Variants in SHROOM2 observed in about 807,000 individuals in gnomAD.
The protein encoded by SHROOM2 is shroom family member 2.
SHROOM2 carries 33 observed loss-of-function variants against 75.9 expected under a neutral mutation model. The observed-to-expected ratio is 0.43, with a 90% CI of 0.33 to 0.58. SHROOM2 has a LOEUF of 0.58. SHROOM2 is among the 20% of genes least tolerant of loss of function. The pLI, the probability that SHROOM2 is intolerant of heterozygous loss-of-function variation, is 0.04. For missense variants in SHROOM2, 1,434 were observed against 1,461.2 expected (o/e 0.98, Z 0.30); for synonymous variants, 655 against 663.6 (o/e 0.99, Z 0.20).
chrX:9,873,697 G>A lies in SHROOM2; in HGVS notation c.211G>A (p.Gly71Arg). ...CGCGGCGGTCGACAAGTTACTGGCTGGAGATGAGATCGTCGGCATCAATGA... is the reference window on the plus strand; with the variant it reads ...CGCGGCGGTCGACAAGTTACTGGCTAGAGATGAGATCGTCGGCATCAATGA... ...KAAAVDKLLAGDEIVGINDIG... is the reference protein window; with the variant it reads ...KAAAVDKLLARDEIVGINDIG... Residue 71 changes from glycine (G) to arginine (R), a missense_variant, in exon 2 of 10, where the codon GGA becomes AGA. Coordinates refer to ENST00000380913, the MANE Select transcript of SHROOM2 (RefSeq NM_001649.4). 8.3e-7 allele frequency: 1 copy of A among 1,211,498 alleles called. No homozygotes were observed. Among genetic ancestry groups the A allele is most frequent in the Non-Finnish European group, 1.1e-6 (1 of 895,162 alleles).
intron 5 of SHROOM2, among the ~76,000 whole-genome samples, chrX:9,925,595 C>G (rs1191767271): frequency 8.9e-6 from 1 of 112,294 alleles, no homozygotes; most frequent in African/African-American, 3.2e-5. Context: ...TGGGCCCTAC[C>G]CCAGTTGTCC....
At chrX:9,866,810 G>A (rs983948071) in intron 1 of SHROOM2, among the ~76,000 whole-genome samples, 1 of 98,037 alleles carries the variant, frequency 1.0e-5, no homozygotes, top group Non-Finnish European at 2.0e-5. Context: ...CGGGGTCCTC[G>A]TCTTCCCCCA....
intron 1 of SHROOM2, among the ~76,000 whole-genome samples, chrX:9,837,912 T>C (rs1384665754): frequency 9.0e-6 from 1 of 111,170 alleles, no homozygotes; most frequent in Non-Finnish European, 1.9e-5. Context: ...CCTGCCCCCA[T>C]GTATGGATCA....
In SHROOM2 at chrX:9,883,408, G is replaced by A. The variant is rs947919072; in HGVS notation, c.318-7569G>A. ...AGGCTTGGGAGAGGGAGGTGGAAAC[G>A]TAGGATGGGGCCAGCACCCAGTGGC... On this transcript the variant is annotated intron_variant, in intron 2 of 9. Transcript: ENST00000380913. Among the ~76,000 whole-genome samples the A allele has an allele frequency of 4.5e-5, 5 of 111,983 alleles. No individual in the cohort carries two copies. In the East Asian group the frequency reaches 8.4e-4, roughly 19 times the overall value.
chrX:9,933,273 T>C (rs752667956), intron 6 of SHROOM2, among the ~76,000 whole-genome samples: 8 of 111,114 alleles, frequency 7.2e-5, no homozygotes, highest in Middle Eastern at 4.6e-3. Context: ...TTAGGTGAAA[T>C]TGGTATTTTT....
chrX:9,786,900 C>G (rs1005413546), intron 1 of SHROOM2, among the ~76,000 whole-genome samples, 190 bp downstream of exon 1: 7 of 111,897 alleles, frequency 6.3e-5, no homozygotes, highest in African/African-American at 2.3e-4. Context: ...TTCCCCGCGC[C>G]TCGCAGAGTT....
chrX:9,869,389 TC>T (rs1247864616), intron 1 of SHROOM2, among the ~76,000 whole-genome samples: 1 of 112,704 alleles, frequency 8.9e-6, no homozygotes, highest in Non-Finnish European at 1.9e-5. Flanking sequence ...TACATTGTTG[TC>T]CAACCATCAC....
intron 2 of SHROOM2, among the ~76,000 whole-genome samples, chrX:9,879,558 G>A (rs2147002967): frequency 8.9e-6 from 1 of 112,827 alleles, no homozygotes; most frequent in South Asian, 3.6e-4. Context: ...ACTGCACCCG[G>A]CCAGCTTATT....
rs1036992652 is a variant in SHROOM2 at position 9,832,647 on chromosome X, G to A, written c.166-41005G>A. Among the ~76,000 whole-genome samples, 16 of 109,789 alleles carry A rather than the reference G, an allele frequency of 1.5e-4. No individual in the cohort carries two copies. The Admixed American group carries it at 1.5e-3, about 10-fold the overall frequency. On this transcript the variant is annotated intron_variant, in intron 1 of 9. Transcript: ENST00000380913. ...ACCAGCAGGAGCCTGCATATGAACC[G>A]GCTGAGCTCCCCAGCTGACCGCTGA...
chrX:9,855,291 AT>A (rs1569150607), intron 1 of SHROOM2, among the ~76,000 whole-genome samples: 1,182 of 51,455 alleles, frequency 0.023, 49 homozygotes, highest in African/African-American at 0.088. Context: ...AACTTAAAGT[AT>A]AGTAAAAAAA....
intron 2 of SHROOM2, among the ~76,000 whole-genome samples, chrX:9,882,178 C>CTTTTTTTTTT (rs386416608): frequency 3.1e-4 from 22 of 70,993 alleles, no homozygotes; most frequent in East Asian, 5.3e-4. Context: ...TCCCTTGTTG[C>CTTTTTTTTTT]TTTTTTTTTT....
intron 7 of SHROOM2, among the ~76,000 whole-genome samples, chrX:9,938,203 G>T (rs2084734441): frequency 9.0e-6 from 1 of 111,596 alleles, no homozygotes; most frequent in Admixed American, 9.5e-5. Flanking sequence ...GTTTCTTTAT[G>T]AAATGTTTTT....
intron 1 of SHROOM2, among the ~76,000 whole-genome samples, chrX:9,807,624 C>T (rs751517322): frequency 7.1e-5 from 8 of 112,064 alleles, no homozygotes; most frequent in East Asian, 2.8e-4. Context: ...TGGTCTAGGC[C>T]GTAAAAAAAG....
chrX:9,875,963 T>C (rs1011533744), intron 2 of SHROOM2, among the ~76,000 whole-genome samples: 1 of 112,129 alleles, frequency 8.9e-6, no homozygotes, highest in African/African-American at 3.2e-5. Context: ...GAGAACTGGT[T>C]GGTGGGAGGA....
At chrX:9,886,320 TC>T (rs749965125) in intron 2 of SHROOM2, among the ~76,000 whole-genome samples, 63 of 112,249 alleles carry the variant, frequency 5.6e-4, no homozygotes, top group African/African-American at 1.6e-3. Flanking sequence ...TGTCCTATCT[TC>T]CTCTTTCCCT....
chrX:9,896,512 G>T lies in SHROOM2; in HGVS notation c.2604G>T (p.Arg868=), dbSNP rs933084306. ...AGGCAGGGACTTCAGACCTGCCGCG[G>T]AGGCTCGGCACCTTTGCAGAGTATC... is the stretch of plus-strand genomic sequence containing the variant. ...AEKAGTSDLP[R]RLGTFAEYQA... Residue 868 remains arginine, a synonymous_variant, in exon 4 of 10, where the codon CGG becomes CGT. Coordinates refer to ENST00000380913, the MANE Select transcript of SHROOM2 (RefSeq NM_001649.4). 3.3e-6 allele frequency: 4 copies of T among 1,210,738 alleles called. No homozygotes were observed. Among genetic ancestry groups the T allele is most frequent in the Non-Finnish European group, 4.5e-6 (4 of 894,904 alleles).
intron 1 of SHROOM2, among the ~76,000 whole-genome samples, chrX:9,856,744 A>G (rs1482283626): frequency 1.8e-5 from 2 of 111,735 alleles, no homozygotes; most frequent in African/African-American, 6.5e-5. Flanking sequence ...TCCCAGTTGC[A>G]TGGTAGCTGC....
chrX:9,808,374 T>A (rs2083768676), intron 1 of SHROOM2, among the ~76,000 whole-genome samples: 1 of 84,377 alleles, frequency 1.2e-5, no homozygotes, highest in Non-Finnish European at 2.5e-5. Context: ...TGAGACTCTG[T>A]CTCTACAAAA....
intron 1 of SHROOM2, among the ~76,000 whole-genome samples, chrX:9,843,522 C>T (rs866076225): frequency 6.3e-5 from 7 of 110,765 alleles, no homozygotes; most frequent in African/African-American, 2.0e-4. Context: ...CCTCAGCCTC[C>T]TGAGCAGCTG....
Sources: allele counts gnomAD v4.1 joint callset (sites outside exome capture counted in the v4.1 genomes callset), GRCh38; gene constraint gnomAD v4.1.1; transcripts MANE v1.5; gene names NCBI Gene and HGNC (gene_info 2026-07-23, HGNC 2026-07-21).